RPS6KC1: variants seen among roughly 807,000 people sequenced by gnomAD.
RPS6KC1 encodes the protein inactive ribosomal protein S6 kinase delta-1.
Under a neutral mutation model 103.8 loss-of-function variants are expected in RPS6KC1, and 54 were observed. That is an observed-to-expected ratio of 0.52 (90% confidence interval 0.42 to 0.65). The LOEUF (loss-of-function observed/expected upper bound fraction) is 0.65, where lower values mean the gene tolerates loss of function less well. Among genes scored for constraint, RPS6KC1 ranks in the 30% least tolerant of loss-of-function variants. RPS6KC1 has a pLI of 0.00. For missense variants in RPS6KC1, 1,151 were observed against 1,253.8 expected (o/e 0.92, Z 1.24); for synonymous variants, 439 against 438.7 (o/e 1.00, Z -0.01).
At position 213,051,299 on chromosome 1, in the gene RPS6KC1, G is replaced by C; in HGVS notation, c.-106G>C. On this transcript the variant is annotated 5_prime_UTR_variant, in exon 1 of 15. Coordinates refer to ENST00000366960, the MANE Select transcript of RPS6KC1 (RefSeq NM_012424.6). ...GCCGTGGAGCCGCCTTGGAGCCACC[G>C]CCCCCTCGCCGCTTCGCCGCTGCGT... The C allele has an allele frequency of 2.6e-6, 2 of 778,368 alleles. No individual in the cohort carries two copies. Among genetic ancestry groups the C allele is most frequent in the African/African-American group, 1.7e-5 (1 of 57,368 alleles). 48.2% of individuals were successfully genotyped at this position (778,368 alleles called of 1,614,324 possible).
chr1:213,117,667 A>G (rs1053819795), intron 5 of RPS6KC1, among the ~76,000 whole-genome samples: 7 of 151,540 alleles, frequency 4.6e-5, no homozygotes, highest in Non-Finnish European at 5.9e-5. Flanking sequence ...AATTAATGGT[A>G]TCTTAGAATT....
At chr1:213,710,459 C>G in the RPS6KC1 span, among the ~76,000 whole-genome samples, 764 of 152,244 alleles carry the variant, frequency 5.0e-3, 6 homozygotes, top group African/African-American at 0.017. Flanking sequence ...CAGGTCTTGA[C>G]TCTTTATCCA....
intron 2 of RPS6KC1, among the ~76,000 whole-genome samples, chr1:213,077,281 A>G (rs1185808765): frequency 6.6e-6 from 1 of 152,240 alleles, no homozygotes; most frequent in Non-Finnish European, 1.5e-5. Context: ...ATGTTTTGAC[A>G]TCTAACTCAT....
chr1:213,398,213 T>C, the RPS6KC1 span, among the ~76,000 whole-genome samples: 3 of 149,190 alleles, frequency 2.0e-5, no homozygotes, highest in African/African-American at 7.5e-5. Flanking sequence ...TTTTTTTTTT[T>C]TTTTGTATTT....
the RPS6KC1 span, among the ~76,000 whole-genome samples, chr1:213,597,344 C>T: frequency 1.3e-5 from 2 of 152,066 alleles, no homozygotes; most frequent in Non-Finnish European, 2.9e-5. Context: ...GCGAGGCGAG[C>T]GCAGGGTCAT....
At chr1:213,504,564 G>A in the RPS6KC1 span, among the ~76,000 whole-genome samples, 1 of 152,184 alleles carries the variant, frequency 6.6e-6, no homozygotes, top group East Asian at 1.9e-4. Flanking sequence ...ACATCCTCAA[G>A]TAATTGCCTA....
At chr1:213,633,656 C>T in the RPS6KC1 span, among the ~76,000 whole-genome samples, 1 of 151,608 alleles carries the variant, frequency 6.6e-6, no homozygotes, top group Non-Finnish European at 1.5e-5. Flanking sequence ...GCAAAATAAC[C>T]ACCTAATATC....
chr1:213,063,768 A>G (rs1177276713), intron 1 of RPS6KC1, among the ~76,000 whole-genome samples: 2 of 152,242 alleles, frequency 1.3e-5, no homozygotes, highest in Admixed American at 1.3e-4. Flanking sequence ...ATTCTGCTGT[A>G]AACAACATTC....
At chr1:213,760,569 C>T in the RPS6KC1 span, among the ~76,000 whole-genome samples, 1 of 152,130 alleles carries the variant, frequency 6.6e-6, no homozygotes, top group African/African-American at 2.4e-5. Context: ...AAAAACATAC[C>T]ACACTTCTGT....
At chr1:213,535,057 G>C in the RPS6KC1 span, among the ~76,000 whole-genome samples, 1 of 152,186 alleles carries the variant, frequency 6.6e-6, no homozygotes, top group African/African-American at 2.4e-5. Flanking sequence ...GCATCAGGGG[G>C]ATTTGTGCAT....
chr1:213,255,482 T>G (rs2094620815), intron 12 of RPS6KC1, among the ~76,000 whole-genome samples: 1 of 152,166 alleles, frequency 6.6e-6, no homozygotes, highest in Non-Finnish European at 1.5e-5. Context: ...ATTCTCTACT[T>G]TTGATTTTAG....
At chr1:213,359,246 T>C in the RPS6KC1 span, among the ~76,000 whole-genome samples, 1 of 152,364 alleles carries the variant, frequency 6.6e-6, no homozygotes. Flanking sequence ...GCTCCTGTAC[T>C]GGGTGCATAT....
chr1:213,232,083 TGCAACTGAGG>T (rs1191999731), intron 9 of RPS6KC1, 30 bp from the exon 10 acceptor site: 21 of 159,504 alleles, frequency 1.3e-4, no homozygotes, highest in Non-Finnish European at 1.7e-4. Flanking sequence ...CAACTGAGGA[TGCAACTGAGG>T]ATACAACTGA....
chr1:213,488,881 C>T, the RPS6KC1 span, among the ~76,000 whole-genome samples: 1 of 152,212 alleles, frequency 6.6e-6, no homozygotes, highest in Admixed American at 6.5e-5. Flanking sequence ...TAAGCAAATA[C>T]TGACATACTC....
chr1:213,478,652 T>C, the RPS6KC1 span, among the ~76,000 whole-genome samples: 1 of 152,178 alleles, frequency 6.6e-6, no homozygotes, highest in Non-Finnish European at 1.5e-5. Flanking sequence ...TTACCATTTG[T>C]GTATCTTCTT....
chr1:213,121,055 G>A (rs2084323022), intron 5 of RPS6KC1, among the ~76,000 whole-genome samples: 1 of 152,126 alleles, frequency 6.6e-6, no homozygotes, highest in African/African-American at 2.4e-5. Flanking sequence ...AGCCTCCTGA[G>A]TAGCTGGGAC....
chr1:213,624,965 GTTAT>G, the RPS6KC1 span, among the ~76,000 whole-genome samples: 5 of 152,070 alleles, frequency 3.3e-5, no homozygotes, highest in Non-Finnish European at 2.9e-5. Flanking sequence ...CCTCTTAAAA[GTTAT>G]TTATTTATTT....
At chr1:213,527,640 T>C in the RPS6KC1 span, among the ~76,000 whole-genome samples, 1 of 149,566 alleles carries the variant, frequency 6.7e-6, no homozygotes, top group African/African-American at 2.5e-5. Flanking sequence ...TTCAGACCCT[T>C]TTGATGTGTT....
chr1:213,505,580 C>A, the RPS6KC1 span, among the ~76,000 whole-genome samples: 1 of 152,168 alleles, frequency 6.6e-6, no homozygotes, highest in Admixed American at 6.5e-5. Context: ...CACTGGCTGA[C>A]ACATCGTAAG....
Sources: allele counts gnomAD v4.1 joint callset (sites outside exome capture counted in the v4.1 genomes callset), GRCh38; gene constraint gnomAD v4.1.1; transcripts MANE v1.5; gene names NCBI Gene and HGNC (gene_info 2026-07-23, HGNC 2026-07-21).